The following VIT variants were observed in gnomAD, a reference collection of about 807,000 sequenced individuals.
The protein encoded by VIT is vitrin.
A neutral mutation model predicts 78.0 loss-of-function variants in VIT; 99 were observed. That is an observed-to-expected ratio of 1.27 (90% CI 1.08 to 1.50). The LOEUF (loss-of-function observed/expected upper bound fraction) is 1.50, where lower values mean the gene tolerates loss of function less well. Among genes scored for constraint, VIT ranks in the 40% most tolerant of loss-of-function variants. The pLI is 0.00. For synonymous variants in VIT, 374 were observed against 334.3 expected, an observed-to-expected ratio of 1.12 and a Z score of -1.29; for missense variants, 1,126 against 875.3, an observed-to-expected ratio of 1.29 and a Z score of -3.61.
chr2:36,743,869 T>C (rs982498044), intron 4 of VIT, among the ~76,000 whole-genome samples: 3 of 152,162 alleles, frequency 2.0e-5, no homozygotes, highest in Non-Finnish European at 4.4e-5. Flanking sequence ...AAAGGCATAT[T>C]ACATGATGCT....
intron 12 of VIT, chr2:36,787,921 A>G (rs1665219210): frequency 2.4e-6 from 1 of 417,488 alleles, no homozygotes; most frequent in Non-Finnish European, 4.8e-6. Context: ...CTTAGGATAG[A>G]AATGGAGGGC....
chr2:36,794,958 G>C (rs561088048), intron 12 of VIT, among the ~76,000 whole-genome samples: 3 of 152,264 alleles, frequency 2.0e-5, no homozygotes, highest in Admixed American at 2.0e-4. Flanking sequence ...TAGAAGCAAG[G>C]GGTGGTCAGT....
At chr2:36,713,210 C>T (rs1003058162) in intron 1 of VIT, among the ~76,000 whole-genome samples, 2 of 152,124 alleles carry the variant, frequency 1.3e-5, no homozygotes, top group Admixed American at 6.6e-5. Context: ...TGACAGGTAA[C>T]ATTTAAGCAA....
At chr2:36,813,661 C>G (rs1266349314) in intron 15 of VIT, among the ~76,000 whole-genome samples, 1 of 152,282 alleles carries the variant, frequency 6.6e-6, no homozygotes, top group African/African-American at 2.4e-5. Context: ...TGTAAAGTCA[C>G]CCTCAAGCCT....
intron 13 of VIT, among the ~76,000 whole-genome samples, chr2:36,801,775 G>C (rs11680372): frequency 0.73 from 102,840 of 141,586 alleles, 36,697 homozygotes; most frequent in East Asian, 0.98. Flanking sequence ...GACTCCATCT[G>C]AAAAAAAAAA....
chr2:36,765,318 A>G lies in VIT; in HGVS notation c.488-1776A>G, dbSNP rs114050435. ...ACTGGGTAATTTACAAACAAAGGAG[A>G]TTTAGTTGACTCACAGTTCCACATG... On this transcript the variant is annotated intron_variant, in intron 6 of 15. Coordinates refer to ENST00000379242, the MANE Select transcript of VIT (RefSeq NM_053276.4). 4.3e-3 allele frequency among the ~76,000 whole-genome samples: 650 copies of G among 152,042 alleles called. 4 individuals carry two copies. The highest frequency in any genetic ancestry group is 6.6e-3 in the Non-Finnish European group (451 of 67,970).
intron 9 of VIT, among the ~76,000 whole-genome samples, chr2:36,779,646 C>A (rs1664605992): frequency 6.6e-6 from 1 of 152,126 alleles, no homozygotes; most frequent in African/African-American, 2.4e-5. Context: ...CTCCAACAGG[C>A]CCCAGTACGT....
intron 1 of VIT, among the ~76,000 whole-genome samples, chr2:36,705,771 C>T (rs532186871): frequency 6.6e-5 from 10 of 152,184 alleles, no homozygotes; most frequent in African/African-American, 2.2e-4. Context: ...GTAAGCATAA[C>T]GTTCTCATAA....
intron 4 of VIT, among the ~76,000 whole-genome samples, chr2:36,749,672 C>G (rs1668340372): frequency 6.6e-6 from 1 of 152,214 alleles, no homozygotes; most frequent in South Asian, 2.1e-4. Context: ...GTCCAGCTGA[C>G]TGCAGCACCT....
intron 13 of VIT, among the ~76,000 whole-genome samples, chr2:36,801,973 T>C (rs111499163): frequency 0.018 from 2,791 of 152,230 alleles, 91 homozygotes; most frequent in African/African-American, 0.064. Context: ...GGCCTACAAG[T>C]CATCACTTGT....
intron 1 of VIT, among the ~76,000 whole-genome samples, chr2:36,715,912 T>G (rs1322727585): frequency 6.6e-6 from 1 of 152,230 alleles, no homozygotes; most frequent in Non-Finnish European, 1.5e-5. Context: ...TAATTCAATT[T>G]TTAGCACTTT....
chr2:36,751,167 G>A (rs111254677), intron 4 of VIT, among the ~76,000 whole-genome samples: 6 of 152,228 alleles, frequency 3.9e-5, no homozygotes, highest in Non-Finnish European at 5.9e-5. Flanking sequence ...AGGCCAAGGC[G>A]GGCAGATCAC....
At chr2:36,773,590 G>C (rs1422156163) in intron 7 of VIT, among the ~76,000 whole-genome samples, 1 of 152,126 alleles carries the variant, frequency 6.6e-6, no homozygotes, top group African/African-American at 2.4e-5. Flanking sequence ...AATTAGTTGA[G>C]CCTAGTGGTA....
At chr2:36,749,241 A>C (rs183968752) in intron 4 of VIT, among the ~76,000 whole-genome samples, 2 of 152,318 alleles carry the variant, frequency 1.3e-5, no homozygotes, top group Non-Finnish European at 2.9e-5. Context: ...GTTTGGAGGA[A>C]GAAATATCAC....
intron 14 of VIT, among the ~76,000 whole-genome samples, chr2:36,805,881 T>C (rs1445076382): frequency 2.0e-5 from 3 of 152,060 alleles, no homozygotes; most frequent in Non-Finnish European, 2.9e-5. Flanking sequence ...AGCAGTGTAC[T>C]CGAATTCTCA....
At chr2:36,711,518 A>C (rs1573121910) in intron 1 of VIT, among the ~76,000 whole-genome samples, 1 of 152,308 alleles carries the variant, frequency 6.6e-6, no homozygotes, top group East Asian at 1.9e-4. Flanking sequence ...TCACTTACCC[A>C]CTGCAGACCT....
intron 6 of VIT, among the ~76,000 whole-genome samples, chr2:36,763,080 G>C (rs1422885402): frequency 2.0e-5 from 3 of 152,202 alleles, no homozygotes; most frequent in South Asian, 4.1e-4. Context: ...ATCTTTGTTA[G>C]AGGCTACTGA....
Position 36,808,718 on chromosome 2 carries a change from G to A in VIT, c.1636G>A (p.Asp546Asn). ...CAAAGAGTTTGAGATTTCCGACACGGACACGCGCATCGGGGCCGTGCAGTA... is the reference window on the plus strand; with the variant it reads ...CAAAGAGTTTGAGATTTCCGACACGAACACGCGCATCGGGGCCGTGCAGTA... The part of the protein sequence containing the change: ...LTKEFEISDT[D>N]TRIGAVQYTY... The change falls in exon 15 of 16, where the codon GAC becomes AAC. Residue 546 changes from aspartate (D) to asparagine (N), a missense_variant. Coordinates refer to ENST00000379242, the MANE Select transcript of VIT (RefSeq NM_053276.4). 1 of 1,614,228 alleles carries A rather than the reference G, an allele frequency of 6.2e-7. No homozygotes were observed. Among genetic ancestry groups the A allele is most frequent in the Non-Finnish European group, 8.5e-7 (1 of 1,180,040 alleles).
intron 7 of VIT, among the ~76,000 whole-genome samples, chr2:36,767,568 A>C (rs745584534): frequency 3.7e-4 from 56 of 152,338 alleles, no homozygotes; most frequent in Non-Finnish European, 6.6e-4. Flanking sequence ...CTATGTAAAC[A>C]TTGTTGGGGT....
Sources: gnomAD v4.1 joint callset for allele counts (sites outside exome capture counted in the v4.1 genomes callset) on GRCh38, gnomAD v4.1.1 for gene constraint, MANE v1.5 for transcripts, NCBI Gene and HGNC (gene_info 2026-07-23, HGNC 2026-07-21) for gene names.